Variants in UBE2C observed in about 807,000 individuals in gnomAD.
UBE2C encodes the protein ubiquitin-conjugating enzyme E2 C.
A neutral mutation model predicts 23.5 loss-of-function variants in UBE2C; 16 were observed. The observed-to-expected ratio is 0.68, with a 90% CI of 0.46 to 1.03. UBE2C has a LOEUF of 1.03. UBE2C is among the 50% of genes least tolerant of loss of function. UBE2C has a pLI of 0.00. For missense variants in UBE2C, 192 were observed against 227.6 expected (o/e 0.84, Z 1.01); for synonymous variants, 76 against 91.6 (o/e 0.83, Z 0.97).
chr20:45,816,619 A>G, intron 5 of UBE2C, 90 bp from the exon 6 acceptor site: 2 of 1,231,998 alleles, frequency 1.6e-6, no homozygotes, highest in Non-Finnish European at 2.3e-6. Context: ...CTTGGTCAAC[A>G]GAGTGAGACT....
Position 45,812,912 on chromosome 20 carries a change from G to A in UBE2C, c.101+116G>A, listed in dbSNP as rs2145712641. 2.8e-6 allele frequency: 4 copies of A among 1,444,616 alleles called. No homozygotes were observed. The South Asian group carries it at 5.7e-5, about 21-fold the overall frequency. 89.5% of individuals were successfully genotyped at this position (1,444,616 alleles called of 1,614,324 possible). On this transcript the variant is annotated intron_variant, in intron 1 of 5. Transcript: ENST00000356455. ...ACCTCCTGGAGCGGGAGATCTGCGG[G>A]TGCAGGAGAACACACCAGGAGCTCG...
At position 45,814,412 on chromosome 20, in the gene UBE2C, T is replaced by C; in HGVS notation, c.158T>C (p.Phe53Ser). The change falls in exon 3 of 6, where the codon TTC becomes TCC. Residue 53 changes from phenylalanine to serine, a missense_variant. Phe to Ser is a radical substitution (Grantham distance 155). Transcript: ENST00000356455. ...MMSGDKGISAFPESDNLFKWV... is the reference protein window; with the variant it reads ...MMSGDKGISASPESDNLFKWV... ...TCTGGCGATAAAGGGATTTCTGCCT[T>C]CCCTGAATCAGACAACCTTTTCAAA... The C allele has an allele frequency of 6.2e-7, 1 of 1,610,402 alleles. No homozygotes were observed. Among genetic ancestry groups the C allele is most frequent in the Non-Finnish European group, 8.5e-7 (1 of 1,178,360 alleles).
At chr20:45,813,086 G>C (rs1320699689) in intron 1 of UBE2C, 2 of 1,403,168 alleles carry the variant, frequency 1.4e-6, no homozygotes, top group Admixed American at 6.2e-5. Flanking sequence ...GGGAGGGTAG[G>C]GGCGCTGCCA....
chr20:45,813,155 G>A (rs1982086150), intron 1 of UBE2C: 1 of 1,405,728 alleles, frequency 7.1e-7, no homozygotes, highest in African/African-American at 1.4e-5. Flanking sequence ...ACTTGGCCGA[G>A]ACAGGGGAAG....
chr20:45,814,379 C>T lies in UBE2C; in HGVS notation c.130-5C>T. Reference sequence around the variant, plus strand: ...CACATTCCAACAAATGTGTTTTCTCCCCAGATGTCTGGCGATAAAGGGATT... The same window carrying T: ...CACATTCCAACAAATGTGTTTTCTCTCCAGATGTCTGGCGATAAAGGGATT... On this transcript the variant is annotated splice_region_variant and splice_polypyrimidine_tract_variant and intron_variant, in intron 2 of 5. Transcript: ENST00000356455. 1 of 1,600,206 alleles carries T rather than the reference C, an allele frequency of 6.2e-7. No individual in the cohort carries two copies. Among genetic ancestry groups the T allele is most frequent in the Non-Finnish European group, 8.5e-7 (1 of 1,173,246 alleles).
At chr20:45,814,856 G>T (rs1212648697) in intron 3 of UBE2C, among the ~76,000 whole-genome samples, 2 of 149,710 alleles carry the variant, frequency 1.3e-5, no homozygotes, top group African/African-American at 5.0e-5. Flanking sequence ...TTTTGAGACG[G>T]AGTCTCGCTC....
intron 5 of UBE2C, among the ~76,000 whole-genome samples, chr20:45,816,193 G>C (rs550427191): frequency 6.6e-6 from 1 of 152,372 alleles, no homozygotes; most frequent in East Asian, 1.9e-4. Context: ...AGAGTGCCTT[G>C]CCTGTGCCCT....
At chr20:45,813,998 G>A (rs898641839) in intron 2 of UBE2C, among the ~76,000 whole-genome samples, 15 of 151,700 alleles carry the variant, frequency 9.9e-5, no homozygotes, top group African/African-American at 3.2e-4. Context: ...TCAGCTACTC[G>A]GGAGGCTGAG....
At chr20:45,813,070 G>A in intron 1 of UBE2C, 1 of 1,408,336 alleles carries the variant, frequency 7.1e-7, no homozygotes. Flanking sequence ...TCTCCCGAAG[G>A]AGAATGGGAG....
At chr20:45,814,830 A>ATTT in intron 3 of UBE2C, among the ~76,000 whole-genome samples, 1 of 148,428 alleles carries the variant, frequency 6.7e-6, no homozygotes. Flanking sequence ...AGCAACTAAT[A>ATTT]TTCTTTTTTT....
At chr20:45,812,910 G>A (rs966814840) in intron 1 of UBE2C, 114 bp downstream of exon 1, 125 of 1,443,566 alleles carry the variant, frequency 8.7e-5, no homozygotes, top group Admixed American at 8.3e-4. Flanking sequence ...GGAGATCTGC[G>A]GGTGCAGGAG....
chr20:45,815,383 T>C (rs552432611), intron 3 of UBE2C, 158 bp from the exon 4 acceptor site: 65 of 1,578,100 alleles, frequency 4.1e-5, no homozygotes, highest in Non-Finnish European at 2.6e-5. Flanking sequence ...AAAAACTTTT[T>C]AAAAAGGCAG....
rs749787205 is a variant in UBE2C at position 45,815,370 on chromosome 20, TA to T, written c.217-164del. 1.6e-5 allele frequency: 25 copies of T among 1,575,960 alleles called. No homozygotes were observed. In the African/African-American group the frequency reaches 3.4e-4, roughly 22 times the overall value. ...CCTGTCTCTAAAATAAAAACTAAACTAAAAAAACTTTTTAAAAAGGCAGTGG... is the reference window on the plus strand; with the variant it reads ...CCTGTCTCTAAAATAAAAACTAAACTAAAAAACTTTTTAAAAAGGCAGTGG... On this transcript the variant is annotated intron_variant, in intron 3 of 5. Transcript: ENST00000356455.
chr20:45,812,854 G>C lies in UBE2C; in HGVS notation c.101+58G>C, dbSNP rs440789. 6.9e-4 allele frequency: 1,035 copies of C among 1,506,582 alleles called. 10 individuals carry two copies. The African/African-American group carries it at 0.012, about 18-fold the overall frequency. 93.3% of individuals were successfully genotyped at this position (1,506,582 alleles called of 1,614,324 possible). On this transcript the variant is annotated intron_variant, in intron 1 of 5. Coordinates refer to ENST00000356455, the MANE Select transcript of UBE2C (RefSeq NM_007019.4). ...GCCATGCCCTAGGCATTGGTACCCA[G>C]AGCAAAGATTTCTAGGACCACCCCC...
chr20:45,816,811 C>T lies in UBE2C; in HGVS notation c.*44C>T. The stretch of plus-strand genomic sequence containing the variant: ...TCCTTGTGTCGTCTTTTTAATTTTT[C>T]CTTAGATGGTCTGTCCTTTTTGTGA... On this transcript the variant is annotated 3_prime_UTR_variant, in exon 6 of 6. Transcript: ENST00000356455. 1.3e-6 allele frequency: 2 copies of T among 1,554,336 alleles called. No individual in the cohort carries two copies. The highest frequency in any genetic ancestry group is 1.8e-6 in the Non-Finnish European group (2 of 1,133,876).
intron 1 of UBE2C, 150 bp downstream of exon 1, chr20:45,812,946 C>T: frequency 7.0e-7 from 1 of 1,431,254 alleles, no homozygotes; most frequent in African/African-American, 1.4e-5. Context: ...CGGGGCCTGG[C>T]ATTCCCCTGG....
intron 2 of UBE2C, among the ~76,000 whole-genome samples, chr20:45,813,864 G>T (rs572387646): frequency 1.8e-3 from 272 of 152,210 alleles, no homozygotes; most frequent in Middle Eastern, 0.014. Context: ...CAACACTTTG[G>T]GGGGCTAAGG....
intron 2 of UBE2C, among the ~76,000 whole-genome samples, chr20:45,813,863 G>A (rs1359135954): frequency 6.6e-6 from 1 of 152,064 alleles, no homozygotes; most frequent in Non-Finnish European, 1.5e-5. Context: ...CCAACACTTT[G>A]GGGGGCTAAG....
Position 45,815,632 on chromosome 20 carries a change from A to C in UBE2C, c.308A>C (p.Tyr103Ser). 1 of 1,613,994 alleles carries C rather than the reference A, an allele frequency of 6.2e-7. No homozygotes were observed. Residue 103 changes from tyrosine (Y) to serine (S), a missense_variant, in exon 4 of 6, where the codon TAT (tyrosine) becomes TCT (serine). Transcript: ENST00000356455. ...ACAGTGAAGTTCCTCACGCCCTGCTATCACCCCAACGTGGACACCCAGGGT... is the reference window on the plus strand; with the variant it reads ...ACAGTGAAGTTCCTCACGCCCTGCTCTCACCCCAACGTGGACACCCAGGGT... ...APTVKFLTPC[Y>S]HPNVDTQGNI...
Sources: allele counts gnomAD v4.1 joint callset (sites outside exome capture counted in the v4.1 genomes callset), GRCh38; gene constraint gnomAD v4.1.1; transcripts MANE v1.5; gene names NCBI Gene and HGNC (gene_info 2026-07-23, HGNC 2026-07-21).